The following RTN2 variants were observed in gnomAD, a reference collection of about 807,000 sequenced individuals.
RTN2 encodes the protein reticulon-2.
RTN2 carries 36 observed loss-of-function variants against 63.7 expected under a neutral mutation model. The observed-to-expected ratio is 0.56, with a 90% CI of 0.43 to 0.75. The LOEUF (loss-of-function observed/expected upper bound fraction) is 0.75, where lower values mean the gene tolerates loss of function less well. Among genes scored for constraint, RTN2 ranks in the 30% least tolerant of loss-of-function variants. The probability of loss-of-function intolerance (pLI) is 0.00; values close to 1 mark genes in which losing one functional copy is unlikely to be tolerated. For synonymous variants in RTN2, 312 were observed against 313.0 expected (o/e 1.00, Z 0.03); for missense variants, 673 against 705.1 (o/e 0.95, Z 0.52).
Position 45,494,550 on chromosome 19 carries a change from A to G in RTN2, c.535T>C (p.Leu179=), listed in dbSNP as rs780784322. 5.0e-6 allele frequency: 8 copies of G among 1,613,710 alleles called. No homozygotes were observed. In the African/African-American group the frequency reaches 9.4e-5, roughly 19 times the overall value. ...CCTTCCCCAGCTTCTCCTGTCTCCA[A>G]TCTGTTGGGTTCTTGGGGTTCTTCG... The part of the protein sequence containing the change: ...EDEEPQEPNR[L]ETGEAGEELD... Residue 179 remains leucine (L), a synonymous_variant, in exon 3 of 11, where the codon TTG becomes CTG. Transcript: ENST00000245923. The surrounding 1 kb of genome is among the most constrained non-coding windows in gnomAD (Gnocchi z 5.3).
rs772669907 is a variant in RTN2 at position 45,494,622 on chromosome 19, C to G, written c.463G>C (p.Gly155Arg). The G allele has an allele frequency of 1.4e-5, 22 of 1,614,006 alleles. No individual in the cohort carries two copies. Among genetic ancestry groups the G allele is most frequent in the Non-Finnish European group, 8.5e-7 (1 of 1,180,030 alleles). Residue 155 changes from glycine (G) to arginine (R), a missense_variant, in exon 3 of 11, where the codon GGA becomes CGA. Gly to Arg is a moderately radical substitution (Grantham distance 125). Transcript: ENST00000245923. This position sits in a 1 kb window ranked among gnomAD's most constrained non-coding sequence, Gnocchi z 5.3. The part of the protein sequence containing the change: ...DHLGWVARGT[G>R]SGEDSSTSSS... Reference sequence around the variant, plus strand: ...CTGGTGGAAGAGTCCTCCCCGGATCCCGTTCCCCGGGCCACCCAGCCCAGA... The same window carrying G: ...CTGGTGGAAGAGTCCTCCCCGGATCGCGTTCCCCGGGCCACCCAGCCCAGA...
At chr19:45,496,711 G>T in intron 1 of RTN2, 81 bp downstream of exon 1, 1 of 987,290 alleles carries the variant, frequency 1.0e-6, no homozygotes, top group South Asian at 2.2e-5. Flanking sequence ...CTCTCCTGCG[G>T]GCAAGCGCCG....
intron 5 of RTN2, among the ~76,000 whole-genome samples, chr19:45,489,804 C>T (rs1968115285): frequency 6.6e-6 from 1 of 150,914 alleles, no homozygotes; most frequent in Non-Finnish European, 1.5e-5. Context: ...TCAGCCTCCT[C>T]AGTAGCTGGG....
At position 45,496,786 on chromosome 19, in the gene RTN2, A is replaced by G; in HGVS notation, c.34+6T>C. The G allele has an allele frequency of 1.3e-6, 2 of 1,513,664 alleles. No individual in the cohort carries two copies. The highest frequency in any genetic ancestry group is 8.9e-7 in the Non-Finnish European group (1 of 1,125,306). 93.8% of individuals were successfully genotyped at this position (1,513,664 alleles called of 1,614,324 possible). A position where few individuals can be genotyped will look rare whatever the true frequency, so the allele number is the denominator to read the frequency against. On this transcript the variant is annotated splice_donor_region_variant and intron_variant, in intron 1 of 10. Coordinates refer to ENST00000245923, the MANE Select transcript of RTN2 (RefSeq NM_005619.5). ...CCACACCAGGCCCCAGTCTTCCTCT[A>G]CTCACTGCAGTGGGCGAAGACCGGC...
At chr19:45,489,262 G>T in intron 6 of RTN2, 84 bp downstream of exon 6, 12 of 1,276,108 alleles carry the variant, frequency 9.4e-6, no homozygotes, top group Non-Finnish European at 1.2e-5. Flanking sequence ...CGGGGTCCGG[G>T]TGGGAGTCGG....
At position 45,488,979 on chromosome 19, in the gene RTN2, G is replaced by A. The variant is rs754044048; in HGVS notation, c.1249C>T (p.Leu417=). 1.6e-5 allele frequency: 25 copies of A among 1,611,368 alleles called. No homozygotes were observed. The highest frequency in any genetic ancestry group is 1.9e-5 in the Non-Finnish European group (22 of 1,178,998). Residue 417 remains leucine, a synonymous_variant, in exon 7 of 11, where the codon CTG becomes TTG. Coordinates refer to ENST00000245923, the MANE Select transcript of RTN2 (RefSeq NM_005619.5). ...GDGANPFQAY[L]DVDLTLTREQ... is the part of the protein sequence containing the mutation. Reference sequence around the variant, plus strand: ...CGAGTCAGGGTGAGGTCCACATCCAGGTAGGCCCTGCGGGGACAAAGGAGT... The same window carrying A: ...CGAGTCAGGGTGAGGTCCACATCCAAGTAGGCCCTGCGGGGACAAAGGAGT...
At chr19:45,485,999 A>C in intron 10 of RTN2, 56 bp downstream of exon 10, 1 of 1,543,744 alleles carries the variant, frequency 6.5e-7, no homozygotes, top group Non-Finnish European at 8.9e-7. Flanking sequence ...TAGAAAGGAA[A>C]GGTTCCCAAG....
chr19:45,488,379 G>A (rs1164959206), intron 9 of RTN2, 92 bp downstream of exon 9: 2 of 1,379,040 alleles, frequency 1.5e-6, no homozygotes, highest in Non-Finnish European at 2.0e-6. Flanking sequence ...TGTCTGGCCG[G>A]GACATCTGTC....
At chr19:45,493,440 G>A (rs1968204921) in intron 4 of RTN2, 62 bp from the exon 5 acceptor site, 2 of 1,230,160 alleles carry the variant, frequency 1.6e-6, no homozygotes. Context: ...AATAGATGTG[G>A]TCAGGAAAAA....
Position 45,493,973 on chromosome 19 carries a change from A to G in RTN2, c.814+193T>C, listed in dbSNP as rs550313867. 8.7e-4 allele frequency: 718 copies of G among 825,822 alleles called. 2 individuals carry two copies. Among genetic ancestry groups the G allele is most frequent in the Non-Finnish European group, 1.2e-3 (631 of 532,114 alleles). 51.2% of individuals were successfully genotyped at this position (825,822 alleles called of 1,614,324 possible). On this transcript the variant is annotated intron_variant, in intron 4 of 10. Coordinates refer to ENST00000245923, the MANE Select transcript of RTN2 (RefSeq NM_005619.5). ...CCAAAGGGCTGGGATTACAGGCATGAGCCACCGCGCCCGGCCGGGGAAATT... is the reference window on the plus strand; with the variant it reads ...CCAAAGGGCTGGGATTACAGGCATGGGCCACCGCGCCCGGCCGGGGAAATT...
intron 5 of RTN2, among the ~76,000 whole-genome samples, chr19:45,492,226 C>G (rs1041035812): frequency 2.0e-5 from 3 of 152,180 alleles, no homozygotes; most frequent in Non-Finnish European, 4.4e-5. Flanking sequence ...CTAAACCCAA[C>G]CTCAGCCCTG....
At chr19:45,488,540 G>A (rs776814922) in intron 8 of RTN2, 23 bp from the exon 9 acceptor site, 36 of 1,613,780 alleles carry the variant, frequency 2.2e-5, no homozygotes, top group South Asian at 4.4e-5. Context: ...AGATGGGGGC[G>A]TCAGGGTGTT....
chr19:45,496,802 G>A lies in RTN2; in HGVS notation c.24C>T (p.Phe8=), dbSNP rs1308125403. The A allele has an allele frequency of 1.3e-6, 2 of 1,521,346 alleles. No homozygotes were observed. Among genetic ancestry groups the A allele is most frequent in the South Asian group, 2.5e-5 (2 of 80,912 alleles). The allele number at this position is 1,521,346 out of a possible 1,614,324, so 94.2% of individuals were successfully genotyped here. A position where few individuals can be genotyped will look rare whatever the true frequency, so the allele number is the denominator to read the frequency against. ...TCTTCCTCTACTCACTGCAGTGGGCGAAGACCGGCAGGACCTGCCCCATGG... is the reference window on the plus strand; with the variant it reads ...TCTTCCTCTACTCACTGCAGTGGGCAAAGACCGGCAGGACCTGCCCCATGG... MGQVLPV[F]AHCKEAPSTA... Residue 8 remains phenylalanine, a synonymous_variant, in exon 1 of 11, where the codon TTC becomes TTT. Coordinates refer to ENST00000245923, the MANE Select transcript of RTN2 (RefSeq NM_005619.5).
intron 9 of RTN2, among the ~76,000 whole-genome samples, chr19:45,487,032 C>CCTTTTTTTTTT (rs1968039629): frequency 2.6e-5 from 1 of 39,178 alleles, no homozygotes; most frequent in Non-Finnish European, 4.6e-5. Context: ...CATGCCCAGC[C>CCTTTTTTTTTT]TTTTTTTTTT....
chr19:45,494,631 G>A lies in RTN2; in HGVS notation c.454C>T (p.Arg152Trp), dbSNP rs1321172991. Reference protein sequence around the residue: ...LRLDHLGWVARGTGSGEDSST... With the variant: ...LRLDHLGWVAWGTGSGEDSST... Reference sequence around the variant, plus strand: ...GAGTCCTCCCCGGATCCCGTTCCCCGGGCCACCCAGCCCAGATGGTCCAAC... The same window carrying A: ...GAGTCCTCCCCGGATCCCGTTCCCCAGGCCACCCAGCCCAGATGGTCCAAC... The change falls in exon 3 of 11, where the codon CGG becomes TGG. Residue 152 changes from arginine (R) to tryptophan (W), a missense_variant. Transcript: ENST00000245923. This position sits in a 1 kb window ranked among gnomAD's most constrained non-coding sequence, Gnocchi z 5.3. 5.6e-6 allele frequency: 9 copies of A among 1,613,836 alleles called. No homozygotes were observed. Among genetic ancestry groups the A allele is most frequent in the Non-Finnish European group, 6.8e-6 (8 of 1,180,028 alleles).
chr19:45,489,261 G>A, intron 6 of RTN2, 85 bp downstream of exon 6: 1 of 1,266,256 alleles, frequency 7.9e-7, no homozygotes, highest in Non-Finnish European at 1.1e-6. Context: ...TCGGGGTCCG[G>A]GTGGGAGTCG....
chr19:45,489,304 GGGTCAGGACAGGGGCTCA>G, intron 6 of RTN2, 24 bp downstream of exon 6: 1 of 1,526,140 alleles, frequency 6.6e-7, no homozygotes, highest in East Asian at 2.5e-5. Context: ...TCATGCTTTA[GGGTCAGGACAGGGGCTCA>G]GGTCAGGGGC....
At chr19:45,492,050 T>A (rs1968172577) in intron 5 of RTN2, among the ~76,000 whole-genome samples, 1 of 152,208 alleles carries the variant, frequency 6.6e-6, no homozygotes, top group African/African-American at 2.4e-5. Context: ...TGCAGTGGGT[T>A]GCAGTTCTTT....
intron 9 of RTN2, among the ~76,000 whole-genome samples, chr19:45,487,088 G>A (rs938931200): frequency 7.6e-6 from 1 of 131,142 alleles, no homozygotes; most frequent in East Asian, 2.3e-4. Context: ...TGTTGCCCAG[G>A]CTGGAGTGCA....
Sources: gnomAD v4.1 joint callset for allele counts (sites outside exome capture counted in the v4.1 genomes callset) on GRCh38, gnomAD v4.1.1 for gene constraint, Gnocchi (gnomAD v3.1) non-coding constraint, MANE v1.5 for transcripts, NCBI Gene and HGNC (gene_info 2026-07-23, HGNC 2026-07-21) for gene names.